The following PPM1L variants were observed in gnomAD, a reference collection of about 807,000 sequenced individuals.
PPM1L encodes protein phosphatase, Mg2+/Mn2+ dependent 1L.
PPM1L carries 13 observed loss-of-function variants against 31.4 expected under a neutral mutation model. That is an observed-to-expected ratio of 0.41 (90% CI 0.27 to 0.66). The LOEUF (loss-of-function observed/expected upper bound fraction) is 0.66, where lower values mean the gene tolerates loss of function less well. PPM1L is among the 30% of genes least tolerant of loss of function. PPM1L has a pLI of 0.29. For missense variants in PPM1L, 326 were observed against 453.7 expected (o/e 0.72, Z 2.56); for synonymous variants, 184 against 175.4 (o/e 1.05, Z -0.39).
intron 2 of PPM1L, among the ~76,000 whole-genome samples, chr3:161,039,502 ACTCATAC>A (rs1718844325): frequency 6.6e-6 from 1 of 151,250 alleles, no homozygotes; most frequent in Non-Finnish European, 1.5e-5. Flanking sequence ...ATTTTATGAA[ACTCATAC>A]CTCATATTTT....
intron 1 of PPM1L, among the ~76,000 whole-genome samples, chr3:160,811,301 A>T (rs1291468169): frequency 6.6e-6 from 1 of 152,230 alleles, no homozygotes; most frequent in Admixed American, 6.5e-5. Flanking sequence ...CACTGTAGTG[A>T]ATCAAGATGT....
Position 160,975,054 on chromosome 3 carries a change from G to A in PPM1L, c.574+13144G>A, listed in dbSNP as rs1246785133. 3.3e-5 allele frequency among the ~76,000 whole-genome samples: 5 copies of A among 151,530 alleles called. No individual in the cohort carries two copies. The East Asian group carries it at 9.6e-4, about 29-fold the overall frequency. On this transcript the variant is annotated intron_variant, in intron 2 of 3. Coordinates refer to ENST00000498165, the MANE Select transcript of PPM1L (RefSeq NM_139245.4). ...CATCTTGAATTGATTTTTGTATAAG[G>A]TGTAAGGAAGGGATCCAGTTTCAGC...
chr3:160,804,378 A>G (rs1333355949), intron 1 of PPM1L, among the ~76,000 whole-genome samples: 1 of 152,218 alleles, frequency 6.6e-6, no homozygotes, highest in Non-Finnish European at 1.5e-5. Flanking sequence ...GAAAGTCAGA[A>G]TGCCTCAGAG....
At chr3:160,917,805 C>T (rs1042677711) in intron 1 of PPM1L, among the ~76,000 whole-genome samples, 1 of 152,166 alleles carries the variant, frequency 6.6e-6, no homozygotes, top group African/African-American at 2.4e-5. Context: ...TTAAGGGCAT[C>T]CCTGTGTCAT....
At chr3:161,015,989 G>T (rs181534910) in intron 2 of PPM1L, among the ~76,000 whole-genome samples, 23 of 152,288 alleles carry the variant, frequency 1.5e-4, no homozygotes, top group African/African-American at 5.5e-4. Context: ...AAGGAGAGAT[G>T]TGGCCTGGGT....
intron 1 of PPM1L, among the ~76,000 whole-genome samples, chr3:160,800,434 T>A (rs939220674): frequency 6.6e-6 from 1 of 152,156 alleles, no homozygotes; most frequent in Non-Finnish European, 1.5e-5. Context: ...GCATTAATAC[T>A]TTTTTTAATG....
chr3:161,031,474 C>T (rs16831792), intron 2 of PPM1L, among the ~76,000 whole-genome samples: 2,284 of 143,620 alleles, frequency 0.016, 121 homozygotes, highest in East Asian at 0.13. Flanking sequence ...TCTTCTCTGA[C>T]TTGTGAATGG....
At chr3:160,798,310 G>A (rs923574312) in intron 1 of PPM1L, among the ~76,000 whole-genome samples, 1 of 152,204 alleles carries the variant, frequency 6.6e-6, no homozygotes, top group African/African-American at 2.4e-5. Context: ...CAGCCTTCCT[G>A]GAGGAAGATG....
chr3:160,792,791 A>C (rs990208151), intron 1 of PPM1L, among the ~76,000 whole-genome samples: 3 of 152,202 alleles, frequency 2.0e-5, no homozygotes, highest in Non-Finnish European at 2.9e-5. Flanking sequence ...TTATGATTAC[A>C]GTTTTATTAT....
intron 1 of PPM1L, among the ~76,000 whole-genome samples, chr3:160,914,522 G>A (rs1224868970): frequency 7.0e-6 from 1 of 143,164 alleles, no homozygotes; most frequent in Non-Finnish European, 1.5e-5. Context: ...TCCCACCTAT[G>A]AGTGAGAACA....
intron 2 of PPM1L, among the ~76,000 whole-genome samples, chr3:160,987,094 G>A (rs1332161260): frequency 6.6e-6 from 1 of 152,206 alleles, no homozygotes; most frequent in Non-Finnish European, 1.5e-5. Context: ...AGAACAAAAG[G>A]TGTGATCTGG....
intron 1 of PPM1L, among the ~76,000 whole-genome samples, chr3:160,849,242 T>G (rs572693088): frequency 7.2e-5 from 11 of 152,304 alleles, no homozygotes; most frequent in African/African-American, 2.6e-4. Context: ...TGTCCTGCCC[T>G]AGGATTCTTT....
intron 1 of PPM1L, among the ~76,000 whole-genome samples, chr3:160,810,575 C>G (rs1712775660): frequency 6.6e-6 from 1 of 152,106 alleles, no homozygotes. Flanking sequence ...ATATTTTAAC[C>G]AGAAACATTT....
intron 2 of PPM1L, among the ~76,000 whole-genome samples, chr3:160,969,661 A>G (rs1471977699): frequency 2.0e-5 from 3 of 152,204 alleles, no homozygotes; most frequent in Non-Finnish European, 4.4e-5. Flanking sequence ...TATATCTTCA[A>G]TCAGGACCCC....
At position 161,069,906 on chromosome 3, in the gene PPM1L, A is replaced by G. The variant is rs2108114113; in HGVS notation, c.*749A>G. On this transcript the variant is annotated 3_prime_UTR_variant, in exon 4 of 4. Transcript: ENST00000498165. The stretch of plus-strand genomic sequence containing the variant: ...GTTAACCTTTTGCTTAGTCCTTACC[A>G]TATGTAATAGGCAGCTGTTAAATTC... The G allele has an allele frequency of 6.6e-6, 1 of 152,278 alleles. No individual in the cohort carries two copies. The highest frequency in any genetic ancestry group is 1.9e-4 in the East Asian group (1 of 5,172). 9.4% of individuals were successfully genotyped at this position (152,278 alleles called of 1,614,324 possible). A position where few individuals can be genotyped will look rare whatever the true frequency, so the allele number is the denominator to read the frequency against.
intron 2 of PPM1L, among the ~76,000 whole-genome samples, chr3:161,014,029 G>A (rs965167403): frequency 1.3e-5 from 2 of 152,110 alleles, no homozygotes; most frequent in Non-Finnish European, 2.9e-5. Flanking sequence ...TACATTTAAG[G>A]TTAATATTGT....
chr3:160,873,341 A>G (rs894930780), intron 1 of PPM1L, among the ~76,000 whole-genome samples: 2 of 152,188 alleles, frequency 1.3e-5, no homozygotes, highest in Non-Finnish European at 2.9e-5. Context: ...GGCTAATTAG[A>G]TGCTTATGTG....
chr3:161,012,762 G>A (rs1395435467), intron 2 of PPM1L, among the ~76,000 whole-genome samples: 1 of 152,112 alleles, frequency 6.6e-6, no homozygotes, highest in East Asian at 1.9e-4. Context: ...TGTATGTGTT[G>A]AGGAATTTAT....
chr3:160,761,234 T>C (rs1298968754), intron 1 of PPM1L, among the ~76,000 whole-genome samples: 2 of 152,186 alleles, frequency 1.3e-5, no homozygotes, highest in Non-Finnish European at 2.9e-5. Context: ...AAAATCTGTT[T>C]TTGATGCATC....
Sources: gnomAD v4.1 joint callset for allele counts (sites outside exome capture counted in the v4.1 genomes callset) on GRCh38, gnomAD v4.1.1 for gene constraint, MANE v1.5 for transcripts, NCBI Gene and HGNC (gene_info 2026-07-23, HGNC 2026-07-21) for gene names.